The following LRRC9 variants were observed in gnomAD, a reference collection of about 807,000 sequenced individuals.
The protein encoded by LRRC9 is leucine rich repeat containing 9.
In LRRC9, 122 loss-of-function variants were observed where a neutral mutation model predicts 63.2. That is an observed-to-expected ratio of 1.93 (90% confidence interval 1.67 to 2.24). The LOEUF (loss-of-function observed/expected upper bound fraction) is 2.24. Ranked by LOEUF, LRRC9 falls within the 30% of genes most tolerant of loss-of-function variation. LRRC9 has a pLI of 0.00. For missense variants in LRRC9, 1,071 were observed against 627.7 expected, an observed-to-expected ratio of 1.71 and a Z score of -7.55; for synonymous variants, 366 against 213.1, an observed-to-expected ratio of 1.72 and a Z score of -6.25.
Position 59,936,813 on chromosome 14 carries a change from C to T in LRRC9, c.544-1577C>T, listed in dbSNP as rs760871616. Among the ~76,000 whole-genome samples, 8 of 152,126 alleles carry T rather than the reference C, an allele frequency of 5.3e-5. No individual in the cohort carries two copies. Among genetic ancestry groups the T allele is most frequent in the East Asian group, 3.9e-4 (2 of 5,194 alleles). On this transcript the variant is annotated intron_variant, in intron 6 of 31. Transcript: ENST00000445360. This position sits in a 1 kb window ranked among gnomAD's most constrained non-coding sequence, Gnocchi z 4.2. ...AGAGAGAGTTTGGAAATACATTAAC[C>T]GCCTCAACCTGTATTACTCTTGCTT... is the stretch of plus-strand genomic sequence containing the variant.
At chr14:59,961,167 TA>T in intron 10 of LRRC9, 122 bp downstream of exon 10, 1 of 490,280 alleles carries the variant, frequency 2.0e-6, no homozygotes, top group Non-Finnish European at 3.6e-6. Flanking sequence ...TCATGCAGAA[TA>T]TTCATCTATT....
rs1888016296 is a variant in LRRC9, at chr14:59,990,878, C to T, written c.2211+5654C>T. ...TCCATCAGATGCTGCCCTGACACTT[C>T]CTTCTTCTCCCACATGAATACCATG... On this transcript the variant is annotated intron_variant, in intron 17 of 31. Coordinates refer to ENST00000445360, the Ensembl canonical transcript of LRRC9. This position sits in a 1 kb window ranked among gnomAD's most constrained non-coding sequence, Gnocchi z 4.2. 6.6e-6 allele frequency among the ~76,000 whole-genome samples: 1 copy of T among 152,246 alleles called. No individual in the cohort carries two copies.
rs375375375 is a variant in LRRC9, at chr14:60,017,036, A to G, written c.3317+246A>G. 6.6e-6 allele frequency among the ~76,000 whole-genome samples: 1 copy of G among 151,862 alleles called. No individual in the cohort carries two copies. Among genetic ancestry groups the G allele is most frequent in the East Asian group, 1.9e-4 (1 of 5,148 alleles). Reference sequence around the variant, plus strand: ...CCTCCGACTATAGGCACGCACCACCAAGCATGGCTAATTTTCTTTGTATTT... The same window carrying G: ...CCTCCGACTATAGGCACGCACCACCGAGCATGGCTAATTTTCTTTGTATTT... On this transcript the variant is annotated intron_variant, in intron 24 of 31. Transcript: ENST00000445360. The surrounding 1 kb of genome is among the most constrained non-coding windows in gnomAD (Gnocchi z 4.0).
At chr14:59,975,127 G>GTATATATA (rs1286444884) in intron 13 of LRRC9, among the ~76,000 whole-genome samples, 12 of 9,162 alleles carry the variant, frequency 1.3e-3, no homozygotes, top group African/African-American at 2.5e-3. Context: ...ATATATATAT[G>GTATATATA]TATATATATA....
chr14:60,028,160 G>C, intron 28 of LRRC9, 59 bp downstream of exon 28: 2 of 643,604 alleles, frequency 3.1e-6, no homozygotes, highest in East Asian at 5.4e-5. Flanking sequence ...TGAGTTCTGA[G>C]CATAAAGCTT....
chr14:60,048,959 T>C (rs1893669026), intron 29 of LRRC9, among the ~76,000 whole-genome samples: 1 of 152,184 alleles, frequency 6.6e-6, no homozygotes, highest in Non-Finnish European at 1.5e-5. Context: ...TTCATCCCTG[T>C]GATGCAAGGT....
chr14:59,923,190 T>G lies in LRRC9; in HGVS notation c.-34+3307T>G, dbSNP rs1446154508. On this transcript the variant is annotated intron_variant, in intron 1 of 31. Transcript: ENST00000445360. The surrounding 1 kb of genome is among the most constrained non-coding windows in gnomAD (Gnocchi z 4.2). ...GGAGAAAACATACAAGACTTGTAAGTACCAGGAAGGCCTAGCATCCTTGTG... is the reference window on the plus strand; with the variant it reads ...GGAGAAAACATACAAGACTTGTAAGGACCAGGAAGGCCTAGCATCCTTGTG... Among the ~76,000 whole-genome samples, 3 of 152,246 alleles carry G rather than the reference T, an allele frequency of 2.0e-5. No homozygotes were observed. The highest frequency in any genetic ancestry group is 7.2e-5 in the African/African-American group (3 of 41,468).
chr14:59,972,161 T>C (rs570818892), intron 12 of LRRC9, among the ~76,000 whole-genome samples: 1 of 152,248 alleles, frequency 6.6e-6, no homozygotes, highest in East Asian at 1.9e-4. Flanking sequence ...TTTGATGAAA[T>C]GCTGTTTTCT....
intron 29 of LRRC9, among the ~76,000 whole-genome samples, chr14:60,046,587 G>A (rs1893442459): frequency 6.6e-6 from 1 of 152,070 alleles, no homozygotes. Flanking sequence ...GGTTGTAGGT[G>A]TGCGGTCTTA....
At chr14:59,985,073 TA>T (rs1319284028) in intron 16 of LRRC9, 31 bp from the exon 17 acceptor site, 1 of 619,410 alleles carries the variant, frequency 1.6e-6, no homozygotes, top group Non-Finnish European at 2.9e-6. Flanking sequence ...TAACCTGTAT[TA>T]TTTTTTAATG....
Position 59,990,756 on chromosome 14 carries a change from G to C in LRRC9, c.2211+5532G>C, listed in dbSNP as rs1009167756. ...TCCCATGAACTCATCTGGTATTGAA[G>C]AGAACAAAACTCCTCCCTATTTCAA... On this transcript the variant is annotated intron_variant, in intron 17 of 31. Coordinates refer to ENST00000445360, the Ensembl canonical transcript of LRRC9. This position sits in a 1 kb window ranked among gnomAD's most constrained non-coding sequence, Gnocchi z 4.2. 2.6e-5 allele frequency among the ~76,000 whole-genome samples: 4 copies of C among 152,310 alleles called. No homozygotes were observed. Among genetic ancestry groups the C allele is most frequent in the Middle Eastern group, 3.4e-3 (1 of 294 alleles).
chr14:59,941,855 A>G (rs1881802188), intron 7 of LRRC9, among the ~76,000 whole-genome samples: 1 of 152,138 alleles, frequency 6.6e-6, no homozygotes, highest in Admixed American at 6.5e-5. Context: ...TACACATTAT[A>G]GTTAACCATA....
At chr14:60,039,528 T>C (rs1253398605) in intron 29 of LRRC9, among the ~76,000 whole-genome samples, 1 of 152,250 alleles carries the variant, frequency 6.6e-6, no homozygotes, top group Non-Finnish European at 1.5e-5. Flanking sequence ...CCATTTCTTC[T>C]AGATTTTCTA....
At chr14:59,920,936 T>G (rs1888719669) in intron 1 of LRRC9, among the ~76,000 whole-genome samples, 1 of 152,184 alleles carries the variant, frequency 6.6e-6, no homozygotes, top group African/African-American at 2.4e-5. Context: ...TCAATGAACA[T>G]GTAACCTAGT....
Position 59,962,566 on chromosome 14 carries a change from C to T in LRRC9, c.1211+1521C>T, listed in dbSNP as rs7146293. On this transcript the variant is annotated intron_variant, in intron 10 of 31. Coordinates refer to ENST00000445360, the Ensembl canonical transcript of LRRC9. The surrounding 1 kb of genome is among the most constrained non-coding windows in gnomAD (Gnocchi z 5.1). ...TTATAGGTGCATGCCACCACACCCA[C>T]TAATTTTTGTATTTTTAGTGGAGAC... Among the ~76,000 whole-genome samples, 1 of 152,042 alleles carries T rather than the reference C, an allele frequency of 6.6e-6. No homozygotes were observed. The highest frequency in any genetic ancestry group is 6.5e-5 in the Admixed American group (1 of 15,276).
Position 60,058,269 on chromosome 14 carries a change from A to G in LRRC9, c.4276+247A>G, listed in dbSNP as rs1325807432. On this transcript the variant is annotated intron_variant, in intron 31 of 31. Transcript: ENST00000445360. The surrounding 1 kb of genome is among the most constrained non-coding windows in gnomAD (Gnocchi z 4.4). ...GTGACTAAACATTTGCTCACTTGCA[A>G]TGTGAACTTTGTGATACTTGAACAA... Among the ~76,000 whole-genome samples the G allele has an allele frequency of 6.6e-6, 1 of 152,122 alleles. No homozygotes were observed. The highest frequency in any genetic ancestry group is 1.5e-5 in the Non-Finnish European group (1 of 67,984).
intron 26 of LRRC9, among the ~76,000 whole-genome samples, chr14:60,019,913 G>A (rs1420685641): frequency 6.6e-6 from 1 of 151,280 alleles, no homozygotes; most frequent in African/African-American, 2.4e-5. Context: ...AAATCAGAAT[G>A]CTTTCATTCC....
chr14:59,965,751 C>T (rs1182332423), intron 10 of LRRC9, among the ~76,000 whole-genome samples: 1 of 151,490 alleles, frequency 6.6e-6, no homozygotes, highest in African/African-American at 2.4e-5. Flanking sequence ...GGCGTGATGG[C>T]GGGCGCCTGT....
exon 23 of LRRC9, chr14:60,008,206 A>T (rs1481956627): frequency 1.1e-5 from 8 of 699,384 alleles, no homozygotes; most frequent in Non-Finnish European, 2.1e-5. Context: ...TTTGGATGGG[A>T]TACCAATTGT....
Sources: gnomAD v4.1 joint callset for allele counts (sites outside exome capture counted in the v4.1 genomes callset) on GRCh38, gnomAD v4.1.1 for gene constraint, Gnocchi (gnomAD v3.1) non-coding constraint, MANE v1.5 for transcripts, NCBI Gene and HGNC (gene_info 2026-07-23, HGNC 2026-07-21) for gene names.